ATP13A4: variants seen among roughly 807,000 people sequenced by gnomAD.
ATP13A4 encodes ATPase 13A4.
ATP13A4 carries 114 observed loss-of-function variants against 142.5 expected under a neutral mutation model. The ratio of observed to expected loss-of-function variants is 0.80; its 90% CI spans 0.69 to 0.93. The LOEUF (loss-of-function observed/expected upper bound fraction) is 0.93, where lower values mean the gene tolerates loss of function less well. Ranked by LOEUF, ATP13A4 falls within the 40% of genes least tolerant of loss-of-function variation. The probability of loss-of-function intolerance (pLI) is 0.00; values close to 1 mark genes in which losing one functional copy is unlikely to be tolerated. For missense variants in ATP13A4, 1,392 were observed against 1,454.0 expected (o/e 0.96, Z 0.69); for synonymous variants, 488 against 514.8 (o/e 0.95, Z 0.70).
intron 25 of ATP13A4, among the ~76,000 whole-genome samples, chr3:193,424,752 T>C (rs930895985): frequency 6.7e-6 from 1 of 149,590 alleles, no homozygotes; most frequent in Admixed American, 6.9e-5. Flanking sequence ...TGTTTCATGG[T>C]TTTGATTTGG....
At chr3:193,540,260 C>G (rs1722814188) in intron 1 of ATP13A4, among the ~76,000 whole-genome samples, 1 of 151,998 alleles carries the variant, frequency 6.6e-6, no homozygotes, top group Non-Finnish European at 1.5e-5. Context: ...AATGAACATA[C>G]TGCCTTTCTT....
intron 2 of ATP13A4, among the ~76,000 whole-genome samples, chr3:193,571,366 C>T (rs182049778): frequency 2.6e-5 from 4 of 151,836 alleles, no homozygotes; most frequent in East Asian, 1.9e-4. Context: ...ATAAATCTTC[C>T]GTACAGAATT....
chr3:193,574,983 G>C (rs1270980969), intron 2 of ATP13A4, among the ~76,000 whole-genome samples: 1 of 152,146 alleles, frequency 6.6e-6, no homozygotes, highest in Non-Finnish European at 1.5e-5. Flanking sequence ...GACATTTAAG[G>C]CTCAGATCTT....
In ATP13A4 at chr3:193,573,296, TA is replaced by T. The variant is rs1464969076; in HGVS notation, n.291+8410del. Reference sequence around the variant, plus strand: ...ATATACATATATATATATACACATATATATATATATACATATATATATATAT... The same window carrying T: ...ATATACATATATATATATACACATATTATATATATACATATATATATATAT... On this transcript the variant is annotated intron_variant and non_coding_transcript_variant, in intron 2 of 3. Transcript: ENST00000489140. 6.9e-3 allele frequency among the ~76,000 whole-genome samples: 827 copies of T among 120,042 alleles called. 26 individuals are homozygous for T. Among genetic ancestry groups the T allele is most frequent in the Middle Eastern group, 8.5e-3 (2 of 236 alleles). The allele number at this position is 120,042 out of a possible 152,430, so 78.8% of individuals were successfully genotyped here.
At chr3:193,553,734 G>A (rs1170588748) in intron 1 of ATP13A4, 1 of 152,168 alleles carries the variant, frequency 6.6e-6, no homozygotes, top group South Asian at 2.1e-4. Context: ...ATCTACTCTT[G>A]AAAGTCCAAA....
At chr3:193,542,326 CACAA>C (rs1577066729) in intron 1 of ATP13A4, among the ~76,000 whole-genome samples, 1 of 152,034 alleles carries the variant, frequency 6.6e-6, no homozygotes, top group Non-Finnish European at 1.5e-5. Flanking sequence ...TGAGAGAGGA[CACAA>C]ACAAATGGAA....
rs1229622247 is a variant in ATP13A4, at chr3:193,401,203, A to T, written c.*1449T>A. Among the ~76,000 whole-genome samples the T allele has an allele frequency of 1.3e-5, 2 of 152,190 alleles. No individual in the cohort carries two copies. The highest frequency in any genetic ancestry group is 2.9e-5 in the Non-Finnish European group (2 of 68,036). On this transcript the variant is annotated 3_prime_UTR_variant, in exon 30 of 30. Transcript: ENST00000342695. Reference sequence around the variant, plus strand: ...GATCAGAACATTCACCTAGGATTTGATGCTCATAATACAAATTTTGCTTTT... The same window carrying T: ...GATCAGAACATTCACCTAGGATTTGTTGCTCATAATACAAATTTTGCTTTT...
rs1295048741 is a variant in ATP13A4 at position 193,457,050 on chromosome 3, A to C, written c.1865T>G (p.Phe622Cys). The C allele has an allele frequency of 2.5e-6, 4 of 1,614,128 alleles. No homozygotes were observed. The South Asian group carries it at 3.3e-5, about 13-fold the overall frequency. The change falls in exon 16 of 30, where the codon TTC (phenylalanine) becomes TGC (cysteine). Residue 622 changes from phenylalanine (F) to cysteine (C), a missense_variant. Physicochemically the swap from Phe to Cys is radical, Grantham distance 205. Coordinates refer to ENST00000342695, the MANE Select transcript of ATP13A4 (RefSeq NM_032279.4). ...VQEMGGDRLAFMKGAPERVAS... is the reference protein window; with the variant it reads ...VQEMGGDRLACMKGAPERVAS... ...CACCCTCTCTGGTGCACCTTTCATG[A>C]ATGCCAGTCGGTCACCTCCCATCTC...
At chr3:193,427,692 T>G (rs986401681) in intron 25 of ATP13A4, among the ~76,000 whole-genome samples, 48 of 151,964 alleles carry the variant, frequency 3.2e-4, no homozygotes, top group Non-Finnish European at 5.3e-4. Context: ...AATGGGGAAA[T>G]GATTCCCTAT....
At chr3:193,554,987 C>T (rs998310930), upstream of ATP13A4, 1 of 1,448,296 alleles carries the variant, frequency 6.9e-7, no homozygotes, top group African/African-American at 1.4e-5. Flanking sequence ...GAACTCCTCC[C>T]ACGAGTCGCC....
rs1402881723 is a variant in ATP13A4, at chr3:193,400,386, A to G, written c.*2266T>C. Among the ~76,000 whole-genome samples the G allele has an allele frequency of 6.6e-6, 1 of 152,234 alleles. No individual in the cohort carries two copies. The highest frequency in any genetic ancestry group is 1.5e-5 in the Non-Finnish European group (1 of 68,048). ...TTAGGATCAAGGCAAGAGCAACTCA[A>G]AGTCTCAGAAAGACAGACAATCATT... is the stretch of plus-strand genomic sequence containing the variant. On this transcript the variant is annotated 3_prime_UTR_variant, in exon 30 of 30. Coordinates refer to ENST00000342695, the MANE Select transcript of ATP13A4 (RefSeq NM_032279.4).
At chr3:193,517,595 C>T (rs1299440897) in intron 1 of ATP13A4, among the ~76,000 whole-genome samples, 2 of 152,202 alleles carry the variant, frequency 1.3e-5, no homozygotes, top group Non-Finnish European at 2.9e-5. Flanking sequence ...ATTCTCCTGC[C>T]TCAGCCTCCC....
chr3:193,425,360 GT>G (rs1311590615), intron 25 of ATP13A4, among the ~76,000 whole-genome samples: 2 of 151,670 alleles, frequency 1.3e-5, no homozygotes, highest in Non-Finnish European at 3.0e-5. Flanking sequence ...CCACTACTGG[GT>G]ATGTATCCAA....
intron 17 of ATP13A4, among the ~76,000 whole-genome samples, chr3:193,452,458 T>C (rs984854295): frequency 4.6e-5 from 7 of 151,982 alleles, no homozygotes; most frequent in African/African-American, 1.7e-4. Context: ...ACAAACACAA[T>C]GAGCCACTTC....
intron 25 of ATP13A4, among the ~76,000 whole-genome samples, chr3:193,419,541 G>C (rs1335262148): frequency 2.8e-5 from 4 of 141,140 alleles, no homozygotes; most frequent in Non-Finnish European, 4.6e-5. Context: ...GCCAAGAGCA[G>C]TCATACCTCA....
chr3:193,493,148 T>C lies in ATP13A4; in HGVS notation c.394A>G (p.Lys132Glu). 1.2e-6 allele frequency: 2 copies of C among 1,612,868 alleles called. No individual in the cohort carries two copies. Among genetic ancestry groups the C allele is most frequent in the South Asian group, 2.2e-5 (2 of 91,052 alleles). ...CAAACATATCTTATTTTCTGCACTT[T>C]GATGCATCTCACCTGCAAAAGAAAA... is the stretch of plus-strand genomic sequence containing the variant. ...RKPDLKVRCI[K>E]VQKIRYVWNY... The change falls in exon 4 of 30, where the codon AAA becomes GAA. Residue 132 changes from lysine (K) to glutamate (E), a missense_variant. Physicochemically the swap from Lys to Glu is moderately conservative, Grantham distance 56. Coordinates refer to ENST00000342695, the MANE Select transcript of ATP13A4 (RefSeq NM_032279.4).
chr3:193,567,521 C>T (rs921226650), intron 2 of ATP13A4, among the ~76,000 whole-genome samples: 3 of 152,112 alleles, frequency 2.0e-5, no homozygotes, highest in African/African-American at 4.8e-5. Flanking sequence ...TCCATGGATA[C>T]GAATTAATAT....
At chr3:193,545,565 G>A (rs373370184) in intron 1 of ATP13A4, among the ~76,000 whole-genome samples, 1 of 152,310 alleles carries the variant, frequency 6.6e-6, no homozygotes, top group East Asian at 1.9e-4. Flanking sequence ...AGGGCACTCA[G>A]AAGTAGCTAT....
intron 1 of ATP13A4, among the ~76,000 whole-genome samples, chr3:193,591,564 T>G (rs1724785572): frequency 6.6e-6 from 1 of 152,240 alleles, no homozygotes; most frequent in African/African-American, 2.4e-5. Flanking sequence ...CTAGTTCCTA[T>G]ACATGGACAT....
Sources: allele counts gnomAD v4.1 joint callset (sites outside exome capture counted in the v4.1 genomes callset), GRCh38; gene constraint gnomAD v4.1.1; transcripts MANE v1.5; gene names NCBI Gene and HGNC (gene_info 2026-07-23, HGNC 2026-07-21).